LPP: variants seen among roughly 807,000 people sequenced by gnomAD.
LPP encodes the protein LIM domain containing preferred translocation partner in lipoma.
A neutral mutation model predicts 60.4 loss-of-function variants in LPP; 38 were observed. The observed-to-expected ratio is 0.63, with a 90% CI of 0.49 to 0.83. LPP has a LOEUF of 0.83. LPP is among the 40% of genes least tolerant of loss of function. The pLI is 0.00. For synonymous variants in LPP, 328 were observed against 290.8 expected (o/e 1.13, Z -1.30); for missense variants, 902 against 783.6 (o/e 1.15, Z -1.80).
At chr3:188,510,873 CT>C (rs532794448) in intron 5 of LPP, among the ~76,000 whole-genome samples, 124 of 151,946 alleles carry the variant, frequency 8.2e-4, no homozygotes, top group Admixed American at 8.1e-3. Context: ...TATTCAGCTA[CT>C]TTCTCTCTTT....
At position 188,760,144 on chromosome 3, in the gene LPP, TG is replaced by T; in HGVS notation, c.1276del (p.Glu426LysfsTer78). 1 of 1,614,128 alleles carries T rather than the reference TG, an allele frequency of 6.2e-7. No individual in the cohort carries two copies. Among genetic ancestry groups the T allele is most frequent in the Non-Finnish European group, 8.5e-7 (1 of 1,180,006 alleles). On this transcript the variant is annotated frameshift_variant, in exon 9 of 12. Coordinates refer to ENST00000617246, the MANE Select transcript of LPP (RefSeq NM_001375462.1). LOFTEE classifies it high-confidence loss of function. ...RCARCGENVV[G>X]EGTGCTAMDQ... ...GTGCTCGCTGTGGAGAAAACGTAGT[TG>T]GGGAAGGTACAGGATGCACTGCCAT... is the stretch of plus-strand genomic sequence containing the variant.
At chr3:188,587,512 T>C (rs1837735305) in intron 6 of LPP, among the ~76,000 whole-genome samples, 1 of 152,214 alleles carries the variant, frequency 6.6e-6, no homozygotes, top group Non-Finnish European at 1.5e-5. Flanking sequence ...GCATAATGCA[T>C]CTTTAATTAA....
chr3:188,372,351 A>G (rs568994292), intron 3 of LPP, among the ~76,000 whole-genome samples: 19 of 152,292 alleles, frequency 1.2e-4, no homozygotes, highest in Non-Finnish European at 2.1e-4. Context: ...TTTCATATGT[A>G]CACACAAGCT....
At chr3:188,545,981 T>G (rs1826546128) in intron 6 of LPP, among the ~76,000 whole-genome samples, 1 of 152,206 alleles carries the variant, frequency 6.6e-6, no homozygotes, top group African/African-American at 2.4e-5. Context: ...TTTATTGCAT[T>G]GTATCACATT....
intron 4 of LPP, among the ~76,000 whole-genome samples, chr3:188,449,254 T>A (rs1013436589): frequency 6.6e-6 from 1 of 152,240 alleles, no homozygotes; most frequent in Non-Finnish European, 1.5e-5. Context: ...TTATTAATAG[T>A]CCTTGAAGAG....
At chr3:188,450,473 G>A (rs939039909) in intron 4 of LPP, among the ~76,000 whole-genome samples, 4 of 152,092 alleles carry the variant, frequency 2.6e-5, no homozygotes, top group African/African-American at 4.8e-5. Flanking sequence ...GGCCTGGTGC[G>A]GTGGCTCACG....
Position 188,793,698 on chromosome 3 carries a change from C to G in LPP, c.1410+33416C>G, listed in dbSNP as rs142423118. Among the ~76,000 whole-genome samples the G allele has an allele frequency of 2.5e-3, 377 of 152,180 alleles. 1 individual carries two copies. The highest frequency in any genetic ancestry group is 4.4e-3 in the Non-Finnish European group (296 of 68,010). ...ATGGGTAAATGGGCAACTTTTCTAG[C>G]CTTCCGTCTAATTGGGTTTAATATC... On this transcript the variant is annotated intron_variant, in intron 9 of 11. Coordinates refer to ENST00000617246, the MANE Select transcript of LPP (RefSeq NM_001375462.1).
In LPP at chr3:188,277,234, G is replaced by A. The variant is rs375281343; in HGVS notation, c.-67+51707G>A. ...CTTTTCTTTTAAATTACCCAATCTC[G>A]GGTATTTCTTTATAGCAGGGCAAGA... On this transcript the variant is annotated intron_variant, in intron 2 of 11. Transcript: ENST00000617246. Among the ~76,000 whole-genome samples, 80 of 152,086 alleles carry A rather than the reference G, an allele frequency of 5.3e-4. No individual in the cohort carries two copies. The East Asian group carries it at 8.5e-3, about 16-fold the overall frequency.
At chr3:188,405,078 T>G (rs936714194) in intron 3 of LPP, among the ~76,000 whole-genome samples, 3 of 152,222 alleles carry the variant, frequency 2.0e-5, no homozygotes, top group Non-Finnish European at 2.9e-5. Flanking sequence ...CAACATGGTA[T>G]CAGCTCAACA....
intron 6 of LPP, among the ~76,000 whole-genome samples, chr3:188,592,263 T>C (rs1838877319): frequency 6.6e-6 from 1 of 152,026 alleles, no homozygotes; most frequent in Admixed American, 6.6e-5. Context: ...ATCTCTGATA[T>C]AATGTTAAAT....
At chr3:188,160,027 C>T (rs1231994478) in intron 1 of LPP, among the ~76,000 whole-genome samples, 1 of 152,196 alleles carries the variant, frequency 6.6e-6, no homozygotes, top group Admixed American at 6.5e-5. Context: ...ATTCTCCTGC[C>T]TCAGCCTCCC....
chr3:188,319,605 T>C (rs1167728511), intron 2 of LPP, among the ~76,000 whole-genome samples: 3 of 152,316 alleles, frequency 2.0e-5, no homozygotes, highest in Middle Eastern at 3.4e-3. Context: ...GGGGTTTTGA[T>C]TTAGCTGGAG....
rs937110817 is a variant in LPP, at chr3:188,380,526, A to G, written c.-9-25586A>G. On this transcript the variant is annotated intron_variant, in intron 3 of 11. Coordinates refer to ENST00000617246, the MANE Select transcript of LPP (RefSeq NM_001375462.1). ...CAGATTCCTGCCAATCAAATGGAAG[A>G]CAAAGCTATCCCGAGGGTAGTTGGC... Among the ~76,000 whole-genome samples, 5 of 152,218 alleles carry G rather than the reference A, an allele frequency of 3.3e-5. No individual in the cohort carries two copies. The South Asian group carries it at 6.2e-4, about 19-fold the overall frequency.
chr3:188,717,174 G>A (rs1227959446), intron 8 of LPP, among the ~76,000 whole-genome samples: 1 of 152,194 alleles, frequency 6.6e-6, no homozygotes, highest in Non-Finnish European at 1.5e-5. Context: ...CAGGCCTACA[G>A]ACTTTAAATT....
intron 1 of LPP, among the ~76,000 whole-genome samples, chr3:188,186,420 A>T (rs1726610262): frequency 6.6e-6 from 1 of 152,148 alleles, no homozygotes; most frequent in Non-Finnish European, 1.5e-5. Context: ...TTCTTAAAAG[A>T]GGGCTAGGTG....
intron 6 of LPP, among the ~76,000 whole-genome samples, chr3:188,585,202 TG>T (rs1837165242): frequency 6.6e-6 from 1 of 152,146 alleles, no homozygotes; most frequent in African/African-American, 2.4e-5. Context: ...CTCAGAAAGG[TG>T]GAAAACATGT....
At chr3:188,311,693 C>T (rs1753509416) in intron 2 of LPP, among the ~76,000 whole-genome samples, 1 of 151,634 alleles carries the variant, frequency 6.6e-6, no homozygotes, top group South Asian at 2.1e-4. Flanking sequence ...GGCTTGAGTG[C>T]AGTGGCCTGA....
chr3:188,762,580 G>A (rs986435645), intron 9 of LPP, among the ~76,000 whole-genome samples: 4 of 152,154 alleles, frequency 2.6e-5, no homozygotes, highest in Non-Finnish European at 5.9e-5. Flanking sequence ...TTTCTACAGT[G>A]TGTGGGCTCA....
At chr3:188,831,665 G>A (rs372876320) in intron 9 of LPP, among the ~76,000 whole-genome samples, 26 of 152,102 alleles carry the variant, frequency 1.7e-4, no homozygotes, top group African/African-American at 6.0e-4. Context: ...CAGTACTCTT[G>A]GATTTTCCTT....
Sources: gnomAD v4.1 joint callset for allele counts (sites outside exome capture counted in the v4.1 genomes callset) on GRCh38, gnomAD v4.1.1 for gene constraint, MANE v1.5 for transcripts, NCBI Gene and HGNC (gene_info 2026-07-23, HGNC 2026-07-21) for gene names.